The following PRR5L variants were observed in gnomAD, a reference collection of about 807,000 sequenced individuals.
PRR5L encodes proline rich 5 like.
PRR5L carries 21 observed loss-of-function variants against 36.4 expected under a neutral mutation model. The ratio of observed to expected loss-of-function variants is 0.58; its 90% CI spans 0.41 to 0.83. PRR5L has a LOEUF of 0.83. PRR5L is among the 40% of genes least tolerant of loss of function. The probability of loss-of-function intolerance (pLI) is 0.00; values close to 1 mark genes in which losing one functional copy is unlikely to be tolerated. For synonymous variants in PRR5L, 188 were observed against 197.0 expected, an observed-to-expected ratio of 0.95 and a Z score of 0.38; for missense variants, 381 against 473.3, an observed-to-expected ratio of 0.80 and a Z score of 1.81.
intron 1 of PRR5L, among the ~76,000 whole-genome samples, chr11:36,318,773 A>G (rs749195493): frequency 3.0e-4 from 46 of 152,138 alleles, no homozygotes; most frequent in Non-Finnish European, 6.2e-4. Flanking sequence ...GGAAAAGTGA[A>G]GAGAAATTGA....
intron 1 of PRR5L, among the ~76,000 whole-genome samples, chr11:36,354,388 C>T (rs1350830483): frequency 1.3e-5 from 2 of 152,096 alleles, no homozygotes; most frequent in Non-Finnish European, 2.9e-5. Flanking sequence ...TTGGAATAAG[C>T]CTTTGGGGCA....
At chr11:36,351,366 A>G (rs1213860580) in intron 1 of PRR5L, among the ~76,000 whole-genome samples, 1 of 87,166 alleles carries the variant, frequency 1.1e-5, no homozygotes, top group Non-Finnish European at 2.0e-5. Context: ...ATATATAAAT[A>G]TATATACATA....
chr11:36,305,297 C>A (rs1426486733), intron 1 of PRR5L, among the ~76,000 whole-genome samples: 4 of 152,062 alleles, frequency 2.6e-5, no homozygotes, highest in African/African-American at 4.8e-5. Context: ...TTATATGATT[C>A]CATTTATATG....
intron 1 of PRR5L, among the ~76,000 whole-genome samples, chr11:36,341,465 A>T (rs1856816118): frequency 6.6e-6 from 1 of 152,138 alleles, no homozygotes. Flanking sequence ...CATAGTTAAG[A>T]TGATCATAGG....
At chr11:36,430,088 T>G (rs914813208) in intron 4 of PRR5L, among the ~76,000 whole-genome samples, 40 of 152,174 alleles carry the variant, frequency 2.6e-4, no homozygotes, top group Non-Finnish European at 5.6e-4. Context: ...CACTGTAACT[T>G]TGATTTGGTG....
intron 1 of PRR5L, chr11:36,396,070 C>A (rs1356605294): frequency 6.6e-6 from 1 of 152,046 alleles, no homozygotes; most frequent in East Asian, 1.9e-4. Context: ...TGTGTATAAA[C>A]TTTTAAAGTA....
intron 6 of PRR5L, among the ~76,000 whole-genome samples, chr11:36,439,567 G>C (rs760520125): frequency 6.6e-6 from 1 of 152,086 alleles, no homozygotes; most frequent in African/African-American, 2.4e-5. Context: ...GAGGCCATTC[G>C]CATGTGCTAA....
chr11:36,326,922 A>C (rs1367198239), intron 1 of PRR5L, among the ~76,000 whole-genome samples: 2 of 152,230 alleles, frequency 1.3e-5, no homozygotes, highest in Non-Finnish European at 2.9e-5. Flanking sequence ...ACTAGAAGCC[A>C]GCTGGAGATG....
chr11:36,389,471 A>G (rs1020392353), intron 1 of PRR5L, among the ~76,000 whole-genome samples: 8 of 152,328 alleles, frequency 5.3e-5, no homozygotes, highest in African/African-American at 1.4e-4. Context: ...CATTACAACC[A>G]TTTGACAGAC....
chr11:36,431,605 G>A (rs544387158), intron 4 of PRR5L, among the ~76,000 whole-genome samples: 1 of 152,164 alleles, frequency 6.6e-6, no homozygotes, highest in South Asian at 2.1e-4. Flanking sequence ...CTCTTCCCTC[G>A]TCTGAGGGAT....
At chr11:36,336,206 A>G (rs1306219908) in intron 1 of PRR5L, among the ~76,000 whole-genome samples, 1 of 152,126 alleles carries the variant, frequency 6.6e-6, no homozygotes, top group East Asian at 1.9e-4. Flanking sequence ...TCTTTTTCAA[A>G]CTTAAATGTA....
rs138213622 is a variant in PRR5L, at chr11:36,389,003, G to T, written c.-125-11994G>T. Among the ~76,000 whole-genome samples the T allele has an allele frequency of 3.3e-3, 509 of 152,264 alleles. 4 individuals are homozygous for T. The highest frequency in any genetic ancestry group is 5.3e-3 in the Non-Finnish European group (360 of 68,020). ...CGTAAGCCACCACGATCGGCTCAAG[G>T]TCGGCTCTTTCTTAGAGCTGCATCA... On this transcript the variant is annotated intron_variant, in intron 1 of 8. Coordinates refer to ENST00000530639, the MANE Select transcript of PRR5L (RefSeq NM_001160167.2).
chr11:36,299,576 T>C (rs1308860010), intron 1 of PRR5L, among the ~76,000 whole-genome samples: 1 of 152,220 alleles, frequency 6.6e-6, no homozygotes, highest in East Asian at 1.9e-4. Context: ...ATACCTGAAC[T>C]GAGACCATAG....
At chr11:36,337,654 C>A (rs1357103898) in intron 1 of PRR5L, among the ~76,000 whole-genome samples, 1 of 152,210 alleles carries the variant, frequency 6.6e-6, no homozygotes, top group African/African-American at 2.4e-5. Context: ...CTCTTAGCCT[C>A]CTTGCGTCCT....
chr11:36,339,440 C>T (rs917887397), intron 1 of PRR5L, among the ~76,000 whole-genome samples: 16 of 152,148 alleles, frequency 1.1e-4, no homozygotes, highest in Admixed American at 7.2e-4. Flanking sequence ...CTTTGTAAAT[C>T]CCTGTTGGTT....
intron 1 of PRR5L, among the ~76,000 whole-genome samples, chr11:36,354,543 A>G (rs1330550638): frequency 2.6e-5 from 4 of 152,218 alleles, no homozygotes; most frequent in Non-Finnish European, 5.9e-5. Context: ...TTGCAGTCAT[A>G]ATGAAAGTAG....
At chr11:36,351,533 AT>A (rs1400000498) in intron 1 of PRR5L, among the ~76,000 whole-genome samples, 414 of 15,768 alleles carry the variant, frequency 0.026, 137 homozygotes, top group Middle Eastern at 0.2. Flanking sequence ...ATATATTTAT[AT>A]AAATATATAT....
At chr11:36,354,295 C>G (rs1177118751) in intron 1 of PRR5L, among the ~76,000 whole-genome samples, 1 of 152,172 alleles carries the variant, frequency 6.6e-6, no homozygotes, top group Non-Finnish European at 1.5e-5. Flanking sequence ...GGAAGCTGCT[C>G]TAGTTATCTT....
chr11:36,363,877 T>G (rs758527615), intron 1 of PRR5L, among the ~76,000 whole-genome samples: 1 of 152,136 alleles, frequency 6.6e-6, no homozygotes, highest in Non-Finnish European at 1.5e-5. Flanking sequence ...AATTGAACAG[T>G]GATTAAGTCA....
Sources: allele counts gnomAD v4.1 joint callset (sites outside exome capture counted in the v4.1 genomes callset), GRCh38; gene constraint gnomAD v4.1.1; transcripts MANE v1.5; gene names NCBI Gene and HGNC (gene_info 2026-07-23, HGNC 2026-07-21).